The following CALCR variants were observed in gnomAD, a reference collection of about 807,000 sequenced individuals.
The protein encoded by CALCR is calcitonin receptor.
Under a neutral mutation model 59.5 loss-of-function variants are expected in CALCR, and 47 were observed. That is an observed-to-expected ratio of 0.79 (90% CI 0.63 to 1.01). CALCR has a LOEUF of 1.01. Ranked by LOEUF, CALCR falls within the 50% of genes least tolerant of loss-of-function variation. The probability of loss-of-function intolerance (pLI) is 0.00; values close to 1 mark genes in which losing one functional copy is unlikely to be tolerated. For synonymous variants in CALCR, 213 were observed against 211.3 expected, an observed-to-expected ratio of 1.01 and a Z score of -0.07; for missense variants, 566 against 597.1, an observed-to-expected ratio of 0.95 and a Z score of 0.54.
At chr7:93,531,223 G>A (rs1044751210) in intron 2 of CALCR, among the ~76,000 whole-genome samples, 3 of 151,730 alleles carry the variant, frequency 2.0e-5, no homozygotes, top group African/African-American at 2.4e-5. Flanking sequence ...ATTTAATTAC[G>A]AATTTCTCAA....
intron 13 of CALCR, among the ~76,000 whole-genome samples, chr7:93,431,296 A>G (rs1473817178): frequency 1.3e-5 from 2 of 152,208 alleles, no homozygotes; most frequent in African/African-American, 4.8e-5. Context: ...CACAGTCCTG[A>G]AAATAGCCAG....
chr7:93,475,403 G>A (rs964289561), intron 5 of CALCR, among the ~76,000 whole-genome samples: 1 of 151,698 alleles, frequency 6.6e-6, no homozygotes, highest in Non-Finnish European at 1.5e-5. Context: ...AAAAGGATTA[G>A]CACTAATCAG....
At chr7:93,429,926 G>GTTT (rs370223680) in intron 13 of CALCR, among the ~76,000 whole-genome samples, 10 of 101,422 alleles carry the variant, frequency 9.9e-5, no homozygotes, top group East Asian at 2.1e-4. Flanking sequence ...TTTTTTTTTT[G>GTTT]TTTGTTTGTT....
intron 5 of CALCR, 45 bp from the exon 6 acceptor site, chr7:93,472,532 C>T (rs1562987431): frequency 9.2e-7 from 1 of 1,090,394 alleles, no homozygotes; most frequent in African/African-American, 1.6e-5. Flanking sequence ...TCTCAAAATC[C>T]CAACAAGGAA....
chr7:93,492,096 T>C (rs905210960), intron 2 of CALCR, among the ~76,000 whole-genome samples: 1 of 151,340 alleles, frequency 6.6e-6, no homozygotes, highest in Non-Finnish European at 1.5e-5. Flanking sequence ...CTCATATCCC[T>C]GCAAAGGATG....
intron 2 of CALCR, among the ~76,000 whole-genome samples, chr7:93,497,209 T>G (rs542127176): frequency 6.6e-6 from 1 of 151,602 alleles, no homozygotes; most frequent in African/African-American, 2.4e-5. Flanking sequence ...TGATGTCATA[T>G]TGAAAGAAAT....
At chr7:93,498,407 C>T (rs1252627854) in intron 2 of CALCR, among the ~76,000 whole-genome samples, 2 of 151,478 alleles carry the variant, frequency 1.3e-5, no homozygotes, top group Non-Finnish European at 3.0e-5. Flanking sequence ...ACCCAAATGG[C>T]TATTATTAAT....
At chr7:93,437,797 G>C (rs1438332724) in intron 11 of CALCR, among the ~76,000 whole-genome samples, 1 of 152,052 alleles carries the variant, frequency 6.6e-6, no homozygotes, top group Non-Finnish European at 1.5e-5. Context: ...GGAGAATCTA[G>C]TTATAAAAAT....
At chr7:93,520,574 T>C (rs915686558) in intron 2 of CALCR, among the ~76,000 whole-genome samples, 27 of 152,132 alleles carry the variant, frequency 1.8e-4, no homozygotes, top group African/African-American at 6.3e-4. Flanking sequence ...AGCAAAGATA[T>C]AGCATTCCTC....
chr7:93,535,448 A>G (rs57316199), intron 2 of CALCR, among the ~76,000 whole-genome samples: 2 of 151,700 alleles, frequency 1.3e-5, no homozygotes, highest in Non-Finnish European at 3.0e-5. Flanking sequence ...TTTAGCACTT[A>G]AGCACACCTT....
chr7:93,509,717 T>A (rs552274081), intron 2 of CALCR, among the ~76,000 whole-genome samples: 18 of 152,322 alleles, frequency 1.2e-4, no homozygotes, highest in African/African-American at 4.1e-4. Flanking sequence ...ATTCCAGGAA[T>A]AATGTTGCAT....
chr7:93,487,063 A>G (rs1800962279), intron 2 of CALCR, 56 bp from the exon 3 acceptor site: 1 of 884,098 alleles, frequency 1.1e-6, no homozygotes, highest in African/African-American at 2.0e-5. Flanking sequence ...AATATTGGCT[A>G]TGGCATTTCA....
intron 8 of CALCR, among the ~76,000 whole-genome samples, chr7:93,447,927 A>C (rs1374310487): frequency 6.6e-6 from 1 of 151,990 alleles, no homozygotes; most frequent in African/African-American, 2.4e-5. Context: ...GAGAATGCAG[A>C]TTTGGAATGT....
chr7:93,490,976 T>C (rs914404487), intron 2 of CALCR, among the ~76,000 whole-genome samples: 1 of 151,582 alleles, frequency 6.6e-6, no homozygotes, highest in African/African-American at 2.4e-5. Flanking sequence ...AGAACAAAGC[T>C]GGAAGCATCA....
At chr7:93,566,425 G>A (rs1264249250) in intron 2 of CALCR, among the ~76,000 whole-genome samples, 1 of 152,146 alleles carries the variant, frequency 6.6e-6, no homozygotes, top group Non-Finnish European at 1.5e-5. Flanking sequence ...AAGCCTATAA[G>A]AGATCGGCTG....
chr7:93,566,627 T>C (rs537976695), intron 2 of CALCR, among the ~76,000 whole-genome samples: 2 of 152,304 alleles, frequency 1.3e-5, no homozygotes, highest in African/African-American at 4.8e-5. Flanking sequence ...GCTCTGCCAC[T>C]CAGAGATGTA....
chr7:93,430,955 T>G (rs1799646908), intron 13 of CALCR, among the ~76,000 whole-genome samples: 1 of 152,200 alleles, frequency 6.6e-6, no homozygotes, highest in Non-Finnish European at 1.5e-5. Flanking sequence ...CAGGCTTTAT[T>G]GAGTGGGAGA....
chr7:93,539,458 A>G (rs745949517), intron 2 of CALCR, among the ~76,000 whole-genome samples: 4 of 151,966 alleles, frequency 2.6e-5, no homozygotes, highest in African/African-American at 4.8e-5. Flanking sequence ...AGAAACGTAA[A>G]TCATTGTTGG....
chr7:93,496,829 T>C (rs1801214608), intron 2 of CALCR, among the ~76,000 whole-genome samples: 1 of 151,670 alleles, frequency 6.6e-6, no homozygotes, highest in Admixed American at 6.6e-5. Flanking sequence ...TTTCTGTAGA[T>C]GCAGTCTAAG....
Sources: gnomAD v4.1 joint callset for allele counts (sites outside exome capture counted in the v4.1 genomes callset) on GRCh38, gnomAD v4.1.1 for gene constraint, MANE v1.5 for transcripts, NCBI Gene and HGNC (gene_info 2026-07-23, HGNC 2026-07-21) for gene names.